PAK6: variants seen among roughly 807,000 people sequenced by gnomAD.
PAK6 encodes the protein serine/threonine-protein kinase PAK 6.
PAK6 carries 33 observed loss-of-function variants against 60.8 expected under a neutral mutation model. That is an observed-to-expected ratio of 0.54 (90% confidence interval 0.41 to 0.73). The LOEUF is 0.73. Among genes scored for constraint, PAK6 ranks in the 30% least tolerant of loss-of-function variants. The probability of loss-of-function intolerance (pLI) is 0.00; values close to 1 mark genes in which losing one functional copy is unlikely to be tolerated. For missense variants in PAK6, 845 were observed against 904.1 expected, an observed-to-expected ratio of 0.93 and a Z score of 0.84; for synonymous variants, 404 against 378.5, an observed-to-expected ratio of 1.07 and a Z score of -0.78.
exon 10 of PAK6, chr15:40,274,233 G>C: frequency 6.2e-7 from 1 of 1,613,436 alleles, no homozygotes; most frequent in Non-Finnish European, 8.5e-7. Context: ...GCCATGAAGA[G>C]GCTCCGGGAC....
chr15:40,273,208 A>G, intron 7 of PAK6, 138 bp from the exon 8 acceptor site: 17 of 1,196,648 alleles, frequency 1.4e-5, no homozygotes, highest in South Asian at 3.0e-5. Flanking sequence ...CACCAGGGCT[A>G]TGGCCTGACT....
At chr15:40,252,218 T>G in intron 2 of PAK6, 2 of 1,160,184 alleles carry the variant, frequency 1.7e-6, no homozygotes, top group East Asian at 6.3e-5. Flanking sequence ...TCCGGGAGAG[T>G]CGGCCCGCGG....
chr15:40,255,817 C>T (rs978876840), intron 3 of PAK6, among the ~76,000 whole-genome samples: 4 of 152,092 alleles, frequency 2.6e-5, no homozygotes, highest in African/African-American at 2.4e-5. Flanking sequence ...TAGCAGAGTG[C>T]GGGCAGCCTC....
intron 5 of PAK6, 87 bp from the exon 6 acceptor site, chr15:40,272,137 A>C: frequency 1.4e-6 from 2 of 1,442,634 alleles, no homozygotes; most frequent in Non-Finnish European, 1.9e-6. Flanking sequence ...CAGAGTCCAG[A>C]GGTCACGGCG....
At chr15:40,247,337 C>T (rs979985061) in intron 2 of PAK6, 8 of 152,220 alleles carry the variant, frequency 5.3e-5, no homozygotes, top group South Asian at 2.1e-4. Context: ...GCAATTGTAG[C>T]GAAAAGATAT....
chr15:40,263,061 T>A (rs2140975465), intron 3 of PAK6, among the ~76,000 whole-genome samples: 1 of 152,334 alleles, frequency 6.6e-6, no homozygotes, highest in East Asian at 1.9e-4. Flanking sequence ...TGGGCTCTGA[T>A]TGAGTCACGC....
exon 5 of PAK6, chr15:40,266,452 C>A: frequency 6.2e-7 from 1 of 1,612,036 alleles, no homozygotes; most frequent in Non-Finnish European, 8.5e-7. Context: ...GCTGCCACAG[C>A]CCCTCCAAGC....
At chr15:40,260,949 C>T (rs748793282) in intron 3 of PAK6, among the ~76,000 whole-genome samples, 1 of 150,884 alleles carries the variant, frequency 6.6e-6, no homozygotes, top group Non-Finnish European at 1.5e-5. Context: ...AATGCAGTGG[C>T]CTGATCTCAG....
intron 5 of PAK6, among the ~76,000 whole-genome samples, chr15:40,267,587 A>C (rs1393983647): frequency 6.6e-6 from 1 of 152,108 alleles, no homozygotes; most frequent in Non-Finnish European, 1.5e-5. Flanking sequence ...TGAACCCGGG[A>C]GGCAGAGCTT....
chr15:40,249,003 A>G (rs1051333442), intron 2 of PAK6, among the ~76,000 whole-genome samples: 1 of 152,046 alleles, frequency 6.6e-6, no homozygotes, highest in Non-Finnish European at 1.5e-5. Context: ...GTGGCTTATA[A>G]ACAACAGAAA....
intron 3 of PAK6, among the ~76,000 whole-genome samples, chr15:40,254,247 T>G (rs1371463453): frequency 6.6e-6 from 1 of 152,204 alleles, no homozygotes; most frequent in African/African-American, 2.4e-5. Context: ...GGGGAGTAAC[T>G]GCCTCATCAG....
chr15:40,261,755 A>C (rs2038991450), intron 3 of PAK6, among the ~76,000 whole-genome samples: 1 of 151,952 alleles, frequency 6.6e-6, no homozygotes, highest in South Asian at 2.1e-4. Flanking sequence ...CTGGTTTCTA[A>C]AGCTCTACTC....
chr15:40,249,570 G>A (rs564179181), intron 2 of PAK6, among the ~76,000 whole-genome samples: 1 of 152,326 alleles, frequency 6.6e-6, no homozygotes, highest in East Asian at 1.9e-4. Context: ...GTCGCCCAGA[G>A]GAAGGAGTCT....
At chr15:40,265,740 T>TCCCCAGGGC (rs2039108263) in intron 4 of PAK6, 102 bp from the exon 5 acceptor site, 3 of 1,114,626 alleles carry the variant, frequency 2.7e-6, no homozygotes, top group Non-Finnish European at 3.7e-6. Flanking sequence ...TAGGTGGTCC[T>TCCCCAGGGC]CCCCAGGGCC....
At chr15:40,268,821 G>T (rs1403536851) in intron 5 of PAK6, among the ~76,000 whole-genome samples, 1 of 152,208 alleles carries the variant, frequency 6.6e-6, no homozygotes, top group Non-Finnish European at 1.5e-5. Context: ...GGCAAACATT[G>T]GTTAAGCACC....
chr15:40,253,354 G>C (rs774481133), intron 3 of PAK6, 65 bp downstream of exon 3: 16 of 442,674 alleles, frequency 3.6e-5, no homozygotes, highest in Middle Eastern at 6.7e-4. Flanking sequence ...CAGGCAGGGA[G>C]GGACAGTGGG....
At chr15:40,257,058 CG>C (rs1450784302) in intron 3 of PAK6, 2 of 152,300 alleles carry the variant, frequency 1.3e-5, no homozygotes, top group East Asian at 1.9e-4. Flanking sequence ...AGCCAGCACT[CG>C]GGCTTGTGGC....
chr15:40,266,302 A>T (rs1566854315), exon 5 of PAK6: 1 of 1,611,906 alleles, frequency 6.2e-7, no homozygotes, highest in Non-Finnish European at 8.5e-7. Context: ...GCTGCCAAGC[A>T]TGGCTCTGAG....
At chr15:40,242,783 G>C (rs915286174) in intron 2 of PAK6, among the ~76,000 whole-genome samples, 1 of 152,222 alleles carries the variant, frequency 6.6e-6, no homozygotes, top group Non-Finnish European at 1.5e-5. Context: ...TGAGATGTGA[G>C]ATAAAGGGGA....
Sources: gnomAD v4.1 joint callset for allele counts (sites outside exome capture counted in the v4.1 genomes callset) on GRCh38, gnomAD v4.1.1 for gene constraint, MANE v1.5 for transcripts, NCBI Gene and HGNC (gene_info 2026-07-23, HGNC 2026-07-21) for gene names.